The following PCED1B variants were observed in gnomAD, a reference collection of about 807,000 sequenced individuals.
The protein encoded by PCED1B is PC-esterase domain-containing protein 1B.
For synonymous variants in PCED1B, 251 were observed against 246.1 expected (o/e 1.02, Z -0.19); for missense variants, 573 against 573.9 (o/e 1.00, Z 0.02).
At position 47,180,688 on chromosome 12, in the gene PCED1B, A is replaced by C. The variant is rs556551184; in HGVS notation, c.-525-35534A>C. Among the ~76,000 whole-genome samples the C allele has an allele frequency of 4.6e-5, 7 of 152,310 alleles. No individual in the cohort carries two copies. The East Asian group carries it at 9.7e-4, about 21-fold the overall frequency. ...CTATAGAATGGGAGAACATTTTTGCAATCTACCCATCTGACAAATGTCTAA... is the reference window on the plus strand; with the variant it reads ...CTATAGAATGGGAGAACATTTTTGCCATCTACCCATCTGACAAATGTCTAA... On this transcript the variant is annotated intron_variant, in intron 2 of 3. Transcript: ENST00000546455.
At position 47,176,524 on chromosome 12, in the gene PCED1B, G is replaced by A. The variant is rs80144836; in HGVS notation, c.-525-39698G>A. On this transcript the variant is annotated intron_variant, in intron 2 of 3. Coordinates refer to ENST00000546455, the MANE Select transcript of PCED1B (RefSeq NM_138371.3). Reference sequence around the variant, plus strand: ...GGTGCTGGGAGGGTGGCATGACCACGCCGCATGCCCCGTACCTTGTCCTAT... The same window carrying A: ...GGTGCTGGGAGGGTGGCATGACCACACCGCATGCCCCGTACCTTGTCCTAT... Among the ~76,000 whole-genome samples, 439 of 152,328 alleles carry A rather than the reference G, an allele frequency of 2.9e-3. 1 individual carries two copies. Among genetic ancestry groups the A allele is most frequent in the Middle Eastern group, 6.8e-3 (2 of 294 alleles).
At chr12:47,189,545 G>A (rs1213730716) in intron 2 of PCED1B, among the ~76,000 whole-genome samples, 1 of 152,170 alleles carries the variant, frequency 6.6e-6, no homozygotes, top group Non-Finnish European at 1.5e-5. Flanking sequence ...TCACTTTTCA[G>A]TAGTTTACAA....
chr12:47,140,502 G>A (rs1377923944), intron 2 of PCED1B, among the ~76,000 whole-genome samples: 1 of 152,088 alleles, frequency 6.6e-6, no homozygotes, highest in Non-Finnish European at 1.5e-5. Flanking sequence ...TTTTAACTCT[G>A]TTTTATTAAT....
intron 2 of PCED1B, among the ~76,000 whole-genome samples, chr12:47,215,256 CTT>C (rs572530499): frequency 1.6e-4 from 23 of 144,022 alleles, no homozygotes; most frequent in Non-Finnish European, 1.7e-4. Flanking sequence ...CTCCCCCACC[CTT>C]TTTTTTTTTT....
chr12:47,101,453 G>C (rs1938702480), intron 1 of PCED1B, among the ~76,000 whole-genome samples: 1 of 152,168 alleles, frequency 6.6e-6, no homozygotes, highest in Non-Finnish European at 1.5e-5. Context: ...CAATGACTGA[G>C]CCTTTTCCTA....
intron 3 of PCED1B, among the ~76,000 whole-genome samples, chr12:47,232,047 C>T (rs77670872): frequency 3.9e-5 from 6 of 152,142 alleles, no homozygotes; most frequent in Admixed American, 1.3e-4. Flanking sequence ...GCTTTTAGAG[C>T]GCAAGACCAT....
In PCED1B at chr12:47,235,478, T is replaced by C; in HGVS notation, c.415T>C (p.Tyr139His). The part of the protein sequence containing the change: ...SRYGPNSWRS[Y>H]LENLENLFQC... ...GTATGGTCCGAACTCCTGGAGAAGC[T>C]ACCTGGAGAACCTGGAGAACCTGTT... The change falls in exon 4 of 4, where the codon TAC becomes CAC. Residue 139 changes from tyrosine to histidine, a missense_variant. By Grantham distance (83) the Tyr-to-His change is moderately conservative. Coordinates refer to ENST00000546455, the MANE Select transcript of PCED1B (RefSeq NM_138371.3). 1 of 1,613,888 alleles carries C rather than the reference T, an allele frequency of 6.2e-7. No homozygotes were observed. The highest frequency in any genetic ancestry group is 8.5e-7 in the Non-Finnish European group (1 of 1,179,864).
intron 2 of PCED1B, among the ~76,000 whole-genome samples, chr12:47,210,990 C>T (rs973634844): frequency 2.6e-5 from 4 of 152,020 alleles, no homozygotes; most frequent in African/African-American, 9.7e-5. Flanking sequence ...ATGGGCCAAT[C>T]GTATATGCAA....
rs373916277 is a variant in PCED1B, at chr12:47,101,946, CA to C, written c.-608-2156del. Among the ~76,000 whole-genome samples the C allele has an allele frequency of 6.7e-3, 919 of 137,322 alleles. 6 individuals are homozygous for C. Among genetic ancestry groups the C allele is most frequent in the African/African-American group, 0.02 (748 of 37,682 alleles). 90.1% of individuals were successfully genotyped at this position (137,322 alleles called of 152,430 possible). ...GGGCAACAAGAGCAAAACTCCATCT[CA>C]AAAAAAAAAAGGAGGGGGAAGATTT... On this transcript the variant is annotated intron_variant, in intron 1 of 3. Transcript: ENST00000546455.
intron 3 of PCED1B, among the ~76,000 whole-genome samples, chr12:47,234,122 G>A (rs1943896889): frequency 6.6e-6 from 1 of 152,158 alleles, no homozygotes; most frequent in African/African-American, 2.4e-5. Flanking sequence ...CCAAGTAGCT[G>A]GGATTACAGG....
intron 2 of PCED1B, chr12:47,208,378 A>G (rs1942973411): frequency 6.6e-6 from 1 of 152,204 alleles, no homozygotes; most frequent in Non-Finnish European, 1.5e-5. Context: ...TGAGTATAGC[A>G]CGCACCACCA....
intron 2 of PCED1B, among the ~76,000 whole-genome samples, chr12:47,111,536 CT>C (rs1412833948): frequency 6.6e-6 from 1 of 152,112 alleles, no homozygotes; most frequent in Non-Finnish European, 1.5e-5. Context: ...CCACAAGACT[CT>C]TTCCGTCTTG....
At position 47,236,362 on chromosome 12, in the gene PCED1B, G is replaced by C; in HGVS notation, c.1299G>C (p.Ter433TyrextTer10). 6.3e-7 allele frequency: 1 copy of C among 1,578,082 alleles called. No individual in the cohort carries two copies. The highest frequency in any genetic ancestry group is 2.3e-5 in the East Asian group (1 of 44,144). Residue 433 changes from the stop codon to tyrosine, a stop_lost, in exon 4 of 4, where the codon TAG becomes TAC. Transcript: ENST00000546455. ...APANPEPRPQ[*>Y] ...CCAATCCTGAGCCAAGGCCTCAATA[G>C]ACGGACCTAGGCCTTATTTCCTCTT... is the stretch of plus-strand genomic sequence containing the variant.
At chr12:47,186,322 AG>A (rs1942265739) in intron 2 of PCED1B, among the ~76,000 whole-genome samples, 1 of 151,708 alleles carries the variant, frequency 6.6e-6, no homozygotes, top group Non-Finnish European at 1.5e-5. Flanking sequence ...TTGAGCTTCT[AG>A]GGGCAGCAAA....
At chr12:47,234,107 G>A (rs955279379) in intron 3 of PCED1B, among the ~76,000 whole-genome samples, 37 of 152,174 alleles carry the variant, frequency 2.4e-4, no homozygotes, top group Non-Finnish European at 1.2e-4. Flanking sequence ...TCCTGCCTCA[G>A]CCTCCCAAGT....
At chr12:47,217,470 G>GAAAGAAAGAAAGAAAGAAAGAAAGAA (rs1555155044) in intron 3 of PCED1B, among the ~76,000 whole-genome samples, 3 of 90,870 alleles carry the variant, frequency 3.3e-5, no homozygotes, top group African/African-American at 5.0e-5. Context: ...AAGAAAGAAA[G>GAAAGAAAGAAAGAAAGAAAGAAAGAA]AGAAAGAAAG....
chr12:47,154,439 CT>C (rs1941119752), intron 2 of PCED1B, among the ~76,000 whole-genome samples: 1 of 152,088 alleles, frequency 6.6e-6, no homozygotes, highest in South Asian at 2.1e-4. Flanking sequence ...ACAGAACCAA[CT>C]TTATGTTTCA....
At chr12:47,123,160 T>A (rs2137315962) in intron 2 of PCED1B, among the ~76,000 whole-genome samples, 1 of 152,318 alleles carries the variant, frequency 6.6e-6, no homozygotes, top group Admixed American at 6.5e-5. Flanking sequence ...CAAAACAAGG[T>A]AATGTCTTTG....
chr12:47,208,353 A>C (rs1204935094), intron 2 of PCED1B: 1 of 152,362 alleles, frequency 6.6e-6, no homozygotes, highest in Non-Finnish European at 1.5e-5. Flanking sequence ...CTCCCACCTC[A>C]GCCTCCTGAG....
Sources: allele counts gnomAD v4.1 joint callset (sites outside exome capture counted in the v4.1 genomes callset), GRCh38; gene constraint gnomAD v4.1.1; transcripts MANE v1.5; gene names NCBI Gene and HGNC (gene_info 2026-07-23, HGNC 2026-07-21).